ROBO2: variants seen among roughly 807,000 people sequenced by gnomAD.
ROBO2 encodes the protein roundabout homolog 2.
ROBO2 carries 53 observed loss-of-function variants against 160.8 expected under a neutral mutation model. The observed-to-expected ratio is 0.33, with a 90% CI of 0.26 to 0.41. The LOEUF (loss-of-function observed/expected upper bound fraction) is 0.41. Ranked by LOEUF, ROBO2 falls within the 10% of genes least tolerant of loss-of-function variation. The pLI, the probability that ROBO2 is intolerant of heterozygous loss-of-function variation, is 1.00. For synonymous variants in ROBO2, 664 were observed against 611.7 expected, an observed-to-expected ratio of 1.09 and a Z score of -1.26; for missense variants, 1,577 against 1,722.4, an observed-to-expected ratio of 0.92 and a Z score of 1.49.
intron 2 of ROBO2, among the ~76,000 whole-genome samples, chr3:75,940,309 C>A (rs1947994249): frequency 6.6e-6 from 1 of 152,114 alleles, no homozygotes; most frequent in Non-Finnish European, 1.5e-5. Flanking sequence ...ATAAGAAATG[C>A]AGTCTGAAAT....
At position 76,746,495 on chromosome 3, in the gene ROBO2, G is replaced by A. The variant is rs2093894626; in HGVS notation, c.110-351519G>A. 2.0e-5 allele frequency among the ~76,000 whole-genome samples: 3 copies of A among 152,034 alleles called. 1 individual carries two copies. The South Asian group carries it at 6.2e-4, about 32-fold the overall frequency. ...TTTCTCCACATCCTCTCCAGCACCT[G>A]TTGTTTCCTGACTTTTTAATGATTG... On this transcript the variant is annotated intron_variant, in intron 2 of 26. Coordinates refer to the ROBO2 transcript ENST00000487694.
At chr3:76,883,358 C>T (rs1383874021) in intron 2 of ROBO2, among the ~76,000 whole-genome samples, 1 of 152,108 alleles carries the variant, frequency 6.6e-6, no homozygotes, top group African/African-American at 2.4e-5. Context: ...TTTAACACTC[C>T]TATCATGTTC....
At chr3:76,139,561 G>A (rs1489677164) in intron 2 of ROBO2, among the ~76,000 whole-genome samples, 1 of 152,130 alleles carries the variant, frequency 6.6e-6, no homozygotes, top group East Asian at 1.9e-4. Context: ...GTGGAGTGGA[G>A]AGAGTTCTTA....
At chr3:77,194,236 C>T (rs761171832) in intron 2 of ROBO2, among the ~76,000 whole-genome samples, 2 of 152,186 alleles carry the variant, frequency 1.3e-5, no homozygotes, top group Non-Finnish European at 2.9e-5. Context: ...GCTCCAGATT[C>T]TCTGGGGGTC....
chr3:75,956,877 T>G (rs1384410793), intron 2 of ROBO2, among the ~76,000 whole-genome samples: 2 of 151,762 alleles, frequency 1.3e-5, no homozygotes, highest in Non-Finnish European at 2.9e-5. Flanking sequence ...TTGGACAAAG[T>G]GTGTTGATCT....
At position 77,030,725 on chromosome 3, in the gene ROBO2, T is replaced by G. The variant is rs140972751; in HGVS notation, c.110-67289T>G. On this transcript the variant is annotated intron_variant, in intron 2 of 26. Coordinates refer to the ROBO2 transcript ENST00000487694. ...AACTCTTCCATAATCTTCATGTAGC[T>G]TATGTATCTCTGTCCAAATTTCCCT... Among the ~76,000 whole-genome samples the G allele has an allele frequency of 3.9e-4, 59 of 152,300 alleles. No homozygotes were observed. In the East Asian group the frequency reaches 9.4e-3, roughly 24 times the overall value.
At chr3:77,476,396 GTGTGTGTGTGTA>G (rs751957259) in intron 2 of ROBO2, among the ~76,000 whole-genome samples, 2 of 108,612 alleles carry the variant, frequency 1.8e-5, no homozygotes, top group Non-Finnish European at 4.1e-5. Context: ...GTGTGTGTGT[GTGTGTGTGTGTA>G]GGTTCATTTT....
At chr3:76,447,992 T>A (rs1042761096) in intron 2 of ROBO2, among the ~76,000 whole-genome samples, 6 of 151,736 alleles carry the variant, frequency 4.0e-5, no homozygotes, top group African/African-American at 1.2e-4. Context: ...TGTATACATA[T>A]GTAACAAACC....
chr3:77,335,349 G>C (rs1027139078), intron 2 of ROBO2, among the ~76,000 whole-genome samples: 1 of 152,164 alleles, frequency 6.6e-6, no homozygotes, highest in African/African-American at 2.4e-5. Context: ...GGAGGTTGCA[G>C]TGAACCAATA....
At chr3:76,468,601 A>G (rs2078482554) in intron 2 of ROBO2, among the ~76,000 whole-genome samples, 1 of 152,002 alleles carries the variant, frequency 6.6e-6, no homozygotes, top group Admixed American at 6.6e-5. Context: ...TATTTAACTA[A>G]TATTTTCCTG....
chr3:77,215,582 CAA>C (rs2084819316), intron 2 of ROBO2, among the ~76,000 whole-genome samples: 1 of 152,196 alleles, frequency 6.6e-6, no homozygotes, highest in African/African-American at 2.4e-5. Flanking sequence ...CTCAACTCGT[CAA>C]AGTCATTCTC....
intron 2 of ROBO2, among the ~76,000 whole-genome samples, chr3:77,252,757 G>A (rs531389019): frequency 2.1e-4 from 27 of 131,404 alleles, no homozygotes; most frequent in Non-Finnish European, 3.7e-4. Context: ...GCAGTGAGCC[G>A]AGATCGCGCC....
chr3:76,865,827 G>A (rs1227631298), intron 2 of ROBO2, among the ~76,000 whole-genome samples: 1 of 152,046 alleles, frequency 6.6e-6, no homozygotes, highest in African/African-American at 2.4e-5. Flanking sequence ...TAGTACAAAT[G>A]CTGTATTACG....
intron 6 of ROBO2, among the ~76,000 whole-genome samples, chr3:77,529,801 T>C (rs950582410): frequency 1.3e-5 from 2 of 151,922 alleles, no homozygotes; most frequent in African/African-American, 4.8e-5. Flanking sequence ...AAATGACTTA[T>C]GACAATGTTC....
At chr3:76,403,262 T>C (rs2077945576) in intron 2 of ROBO2, among the ~76,000 whole-genome samples, 1 of 151,610 alleles carries the variant, frequency 6.6e-6, no homozygotes, top group African/African-American at 2.4e-5. Flanking sequence ...TTTTTTTCTG[T>C]ACAGGAAAAT....
intron 2 of ROBO2, among the ~76,000 whole-genome samples, chr3:77,103,010 A>G (rs1034157094): frequency 1.4e-4 from 22 of 152,210 alleles, no homozygotes; most frequent in African/African-American, 5.1e-4. Context: ...ATAGTTTTCC[A>G]ATGGGACCAC....
At chr3:76,492,599 C>A (rs2079897017) in intron 2 of ROBO2, among the ~76,000 whole-genome samples, 1 of 151,850 alleles carries the variant, frequency 6.6e-6, no homozygotes, top group Non-Finnish European at 1.5e-5. Context: ...CAACTCAGTT[C>A]CTTTGTTTCT....
At chr3:77,252,627 GA>G (rs2090463826) in intron 2 of ROBO2, among the ~76,000 whole-genome samples, 1 of 150,798 alleles carries the variant, frequency 6.6e-6, no homozygotes, top group South Asian at 2.1e-4. Context: ...CTAACACGGT[GA>G]AACCCCATCT....
intron 2 of ROBO2, among the ~76,000 whole-genome samples, chr3:76,499,006 A>G (rs1009611701): frequency 6.6e-6 from 1 of 152,090 alleles, no homozygotes; most frequent in Non-Finnish European, 1.5e-5. Context: ...CTTTTAATGC[A>G]TGAGTCTGTA....
Sources: allele counts gnomAD v4.1 joint callset (sites outside exome capture counted in the v4.1 genomes callset), GRCh38; gene constraint gnomAD v4.1.1; transcripts MANE v1.5; gene names NCBI Gene and HGNC (gene_info 2026-07-23, HGNC 2026-07-21).